The following PARD3 variants were observed in gnomAD, a reference collection of about 807,000 sequenced individuals.
The protein encoded by PARD3 is par-3 family cell polarity regulator.
PARD3 carries 75 observed loss-of-function variants against 155.4 expected under a neutral mutation model. The ratio of observed to expected loss-of-function variants is 0.48; its 90% CI spans 0.40 to 0.58. PARD3 has a LOEUF of 0.58. Ranked by LOEUF, PARD3 falls within the 20% of genes least tolerant of loss-of-function variation. The pLI is 0.00. For missense variants in PARD3, 1,642 were observed against 1,721.7 expected (o/e 0.95, Z 0.82); for synonymous variants, 576 against 610.5 (o/e 0.94, Z 0.83).
intron 19 of PARD3, among the ~76,000 whole-genome samples, chr10:34,323,702 T>G (rs2384138): frequency 6.6e-6 from 1 of 152,050 alleles, no homozygotes; most frequent in Non-Finnish European, 1.5e-5. Context: ...CCCATCCCCC[T>G]CAAATGAAGC....
chr10:34,683,352 T>C (rs1224082429), intron 2 of PARD3, among the ~76,000 whole-genome samples: 3 of 151,872 alleles, frequency 2.0e-5, no homozygotes, highest in East Asian at 3.9e-4. Flanking sequence ...AATATACCTA[T>C]GTAATATAAC....
At chr10:34,133,756 G>C (rs1242362745) in intron 22 of PARD3, among the ~76,000 whole-genome samples, 6 of 152,258 alleles carry the variant, frequency 3.9e-5, no homozygotes, top group African/African-American at 1.4e-4. Context: ...AATCTCAAAG[G>C]TTTAAGCATC....
At chr10:34,790,116 T>C (rs1317889483) in intron 1 of PARD3, among the ~76,000 whole-genome samples, 2 of 152,194 alleles carry the variant, frequency 1.3e-5, no homozygotes, top group African/African-American at 4.8e-5. Flanking sequence ...GCCTCATTTA[T>C]TAAAGACTTA....
chr10:34,148,996 T>C (rs938189118), intron 22 of PARD3, among the ~76,000 whole-genome samples: 4 of 152,216 alleles, frequency 2.6e-5, no homozygotes, highest in Non-Finnish European at 4.4e-5. Flanking sequence ...TGACACATTT[T>C]ATAAATGTCT....
chr10:34,274,604 A>G (rs1330361289), intron 21 of PARD3, among the ~76,000 whole-genome samples: 1 of 152,190 alleles, frequency 6.6e-6, no homozygotes, highest in Non-Finnish European at 1.5e-5. Context: ...AGGCATTCAC[A>G]TAAGTCTTGA....
intron 1 of PARD3, among the ~76,000 whole-genome samples, chr10:34,697,163 A>G (rs1343830775): frequency 2.0e-5 from 3 of 152,228 alleles, no homozygotes; most frequent in African/African-American, 7.2e-5. Flanking sequence ...GTATATTTTA[A>G]AATCCTTAAA....
intron 1 of PARD3, among the ~76,000 whole-genome samples, chr10:34,800,031 G>A (rs12766926): frequency 0.34 from 52,101 of 151,714 alleles, 11,143 homozygotes; most frequent in Non-Finnish European, 0.48. Context: ...TCGGGAGGCT[G>A]AGGCAGGAAG....
At chr10:34,448,789 A>G (rs1436665723) in intron 5 of PARD3, among the ~76,000 whole-genome samples, 1 of 152,138 alleles carries the variant, frequency 6.6e-6, no homozygotes, top group Non-Finnish European at 1.5e-5. Context: ...TGGGTGACAG[A>G]GCAAGACCTT....
chr10:34,796,643 T>C lies in PARD3; in HGVS notation c.120+18233A>G, dbSNP rs1380421917. Among the ~76,000 whole-genome samples the C allele has an allele frequency of 2.6e-5, 4 of 152,214 alleles. No individual in the cohort carries two copies. The East Asian group carries it at 5.8e-4, about 22-fold the overall frequency. ...TAGATTTGAAGAAAATATTTTAAAA[T>C]AGTATTTCAAAGAACTGCACTTTGC... On this transcript the variant is annotated intron_variant, in intron 1 of 24. Transcript: ENST00000374788.
intron 1 of PARD3, among the ~76,000 whole-genome samples, chr10:34,702,106 A>C (rs1489377476): frequency 6.6e-6 from 1 of 152,004 alleles, no homozygotes; most frequent in Non-Finnish European, 1.5e-5. Context: ...CAGAGGTTGC[A>C]GTGAGCTGAG....
At chr10:34,602,377 G>C (rs1431832885) in intron 2 of PARD3, among the ~76,000 whole-genome samples, 1 of 152,060 alleles carries the variant, frequency 6.6e-6, no homozygotes, top group African/African-American at 2.4e-5. Flanking sequence ...CTCTTCTGGT[G>C]ATTATTATTA....
At chr10:34,467,486 T>C (rs1024720006) in intron 4 of PARD3, among the ~76,000 whole-genome samples, 14 of 152,062 alleles carry the variant, frequency 9.2e-5, no homozygotes, top group African/African-American at 3.4e-4. Context: ...TGGTGGCTCA[T>C]GTCTGTAATT....
At chr10:34,315,685 G>A (rs1002453746) in intron 20 of PARD3, among the ~76,000 whole-genome samples, 6 of 152,150 alleles carry the variant, frequency 3.9e-5, no homozygotes, top group African/African-American at 1.4e-4. Flanking sequence ...AAAGGCCCTT[G>A]GCTAACACAG....
At chr10:34,647,927 A>T (rs2092894289) in intron 2 of PARD3, among the ~76,000 whole-genome samples, 1 of 152,232 alleles carries the variant, frequency 6.6e-6, no homozygotes, top group African/African-American at 2.4e-5. Flanking sequence ...ACCTCAGAGA[A>T]TGGGATCAAA....
In PARD3 at chr10:34,342,296, C is replaced by A. The variant is rs566356641; in HGVS notation, c.2219-480G>T. On this transcript the variant is annotated intron_variant, in intron 15 of 24. Coordinates refer to ENST00000374788, the MANE Select transcript of PARD3 (RefSeq NM_001184785.2). ...TGCCCTAGTGAAGGAGAAAGAATTA[C>A]AAGCAGTGATAATTATATGGTGGTG... is the stretch of plus-strand genomic sequence containing the variant. 1.1e-3 allele frequency among the ~76,000 whole-genome samples: 163 copies of A among 152,332 alleles called. 1 individual carries two copies. The highest frequency in any genetic ancestry group is 3.7e-3 in the African/African-American group (154 of 41,576).
At chr10:34,371,226 C>T (rs906689986) in intron 12 of PARD3, among the ~76,000 whole-genome samples, 3 of 151,810 alleles carry the variant, frequency 2.0e-5, no homozygotes, top group East Asian at 1.9e-4. Context: ...CCTTATCTAA[C>T]CTACCCCAAC....
chr10:34,112,904 G>A (rs1380535699), intron 24 of PARD3, among the ~76,000 whole-genome samples: 6 of 152,114 alleles, frequency 3.9e-5, no homozygotes, highest in African/African-American at 4.8e-5. Context: ...CTCTTTTAAC[G>A]GAAGACTGCA....
chr10:34,596,224 T>A (rs374411291), intron 2 of PARD3, among the ~76,000 whole-genome samples: 2 of 145,056 alleles, frequency 1.4e-5, no homozygotes, highest in South Asian at 4.7e-4. Context: ...ATCCATCAAA[T>A]CCAAATTTTT....
At chr10:34,672,953 C>CT (rs1025273411) in intron 2 of PARD3, among the ~76,000 whole-genome samples, 36 of 152,154 alleles carry the variant, frequency 2.4e-4, no homozygotes, top group African/African-American at 8.4e-4. Context: ...ATTCAGCAGT[C>CT]TTTTTTGTTG....
Sources: allele counts gnomAD v4.1 joint callset (sites outside exome capture counted in the v4.1 genomes callset), GRCh38; gene constraint gnomAD v4.1.1; transcripts MANE v1.5; gene names NCBI Gene and HGNC (gene_info 2026-07-23, HGNC 2026-07-21).